Variants in ELOA2 observed in about 807,000 individuals in gnomAD.
ELOA2 encodes elongin-A2.
For missense variants in ELOA2, 1,271 were observed against 979.7 expected, an observed-to-expected ratio of 1.30 and a Z score of -3.97; for synonymous variants, 497 against 398.8, an observed-to-expected ratio of 1.25 and a Z score of -2.94.
Position 47,035,372 on chromosome 18 carries a change from C to T in ELOA2, c.-108G>A. On this transcript the variant is annotated 5_prime_UTR_variant, in exon 1 of 1. Transcript: ENST00000332567. ...CGGTCCTCGCTGCCCGGTCGCCAGGCAGCGACCTCGGGATGTGGAGTCACA... is the reference window on the plus strand; with the variant it reads ...CGGTCCTCGCTGCCCGGTCGCCAGGTAGCGACCTCGGGATGTGGAGTCACA... 6.4e-7 allele frequency: 1 copy of T among 1,561,922 alleles called. No homozygotes were observed. The highest frequency in any genetic ancestry group is 8.7e-7 in the Non-Finnish European group (1 of 1,153,758).
chr18:47,033,016 A>G lies in ELOA2; in HGVS notation c.2249T>C (p.Phe750Ser). 1.2e-6 allele frequency: 2 copies of G among 1,614,110 alleles called. No individual in the cohort carries two copies. The highest frequency in any genetic ancestry group is 1.7e-6 in the Non-Finnish European group (2 of 1,180,048). The change falls in exon 1 of 1, where the codon TTC (phenylalanine) becomes TCC (serine). Residue 750 changes from phenylalanine to serine, a missense_variant. Coordinates refer to ENST00000332567, the MANE Select transcript of ELOA2 (RefSeq NM_016427.3). The part of the protein sequence containing the change: ...AKAIRDYKRR[F>S]SRR ...CAAGTCCTGAGTTTATCGTCGGGAG[A>G]ATCTTCTCTTGTAGTCTCGAATTGC...
chr18:47,033,436 C>A lies in ELOA2; in HGVS notation c.1829G>T (p.Arg610Leu). 8.1e-6 allele frequency: 13 copies of A among 1,613,768 alleles called. No homozygotes were observed. The highest frequency in any genetic ancestry group is 1.0e-5 in the Non-Finnish European group (12 of 1,180,030). The change falls in exon 1 of 1, where the codon CGG becomes CTG. Residue 610 changes from arginine (R) to leucine (L), a missense_variant. Arg to Leu is a moderately radical substitution (Grantham distance 102, BLOSUM62 -2). Coordinates refer to ENST00000332567, the MANE Select transcript of ELOA2 (RefSeq NM_016427.3). ...ENKTWREQYL[R>L]LPDAPEQRLR... ...CCGCTGCTCTGGGGCGTCCGGAAGC[C>A]GCAGGTACTGCTCCCTCCAAGTTTT...
chr18:47,033,993 C>G lies in ELOA2; in HGVS notation c.1272G>C (p.Trp424Cys). 1 of 1,613,808 alleles carries G rather than the reference C, an allele frequency of 6.2e-7. No homozygotes were observed. Among genetic ancestry groups the G allele is most frequent in the Non-Finnish European group, 8.5e-7 (1 of 1,180,038 alleles). ...ANESKGTRES[W>C]DSAKKLPPVQ... is the part of the protein sequence containing the mutation. ...CAGGAGGCAATTTCTTAGCCGAATC[C>G]CAGGACTCACGAGTGCCCTTGGATT... Residue 424 changes from tryptophan to cysteine, a missense_variant, in exon 1 of 1, where the codon TGG becomes TGC. Coordinates refer to ENST00000332567, the MANE Select transcript of ELOA2 (RefSeq NM_016427.3).
rs768718364 is a variant in ELOA2 at position 47,033,032 on chromosome 18, C to G, written c.2233G>C (p.Asp745His). The G allele has an allele frequency of 6.2e-7, 1 of 1,614,140 alleles. No homozygotes were observed. Among genetic ancestry groups the G allele is most frequent in the Non-Finnish European group, 8.5e-7 (1 of 1,180,040 alleles). ...VAPLMAKAIR[D>H]YKRRFSRR ...CGTCGGGAGAATCTTCTCTTGTAGT[C>G]TCGAATTGCCTTGGCCATCAGCGGG... Residue 745 changes from aspartate to histidine, a missense_variant, in exon 1 of 1, where the codon GAC (aspartate) becomes CAC (histidine). Asp to His is a moderately conservative substitution (Grantham distance 81). Coordinates refer to ENST00000332567, the MANE Select transcript of ELOA2 (RefSeq NM_016427.3).
In ELOA2 at chr18:47,033,470, G is replaced by T. The variant is rs1461513599; in HGVS notation, c.1795C>A (p.Gln599Lys). The T allele has an allele frequency of 1.9e-6, 3 of 1,613,940 alleles. No homozygotes were observed. The East Asian group carries it at 6.7e-5, about 36-fold the overall frequency. Residue 599 changes from glutamine (Q) to lysine (K), a missense_variant, in exon 1 of 1, where the codon CAG becomes AAG. Coordinates refer to ENST00000332567, the MANE Select transcript of ELOA2 (RefSeq NM_016427.3). ...CFQDFKEEKP[Q>K]ENKTWREQYL... Reference sequence around the variant, plus strand: ...TGCTCCCTCCAAGTTTTGTTTTCCTGTGGCTTTTCTTCCTTGAAGTCCTGG... The same window carrying T: ...TGCTCCCTCCAAGTTTTGTTTTCCTTTGGCTTTTCTTCCTTGAAGTCCTGG...
rs761204477 is a variant in ELOA2 at position 47,033,216 on chromosome 18, G to T, written c.2049C>A (p.His683Gln). ...CGCTGCTGCTCTGGCTGGAGGGAGT[G>T]TGGCTGCTTCCCGCGGGCTTGGAGG... is the stretch of plus-strand genomic sequence containing the variant. ...KPASKPAGSS[H>Q]TPSSQSSSGG... Residue 683 changes from histidine (H) to glutamine (Q), a missense_variant, in exon 1 of 1, where the codon CAC (histidine) becomes CAA (glutamine). By Grantham distance (24) the His-to-Gln change is conservative. Transcript: ENST00000332567. The T allele has an allele frequency of 1.1e-5, 17 of 1,614,036 alleles. No individual in the cohort carries two copies. In the Admixed American group the frequency reaches 2.0e-4, roughly 19 times the overall value.
rs147815940 is a variant in ELOA2, at chr18:47,035,598, C to T, written c.-334G>A. 1 of 524,868 alleles carries T rather than the reference C, an allele frequency of 1.9e-6. No individual in the cohort carries two copies. The highest frequency in any genetic ancestry group is 1.9e-5 in the African/African-American group (1 of 51,868). The allele number at this position is 524,868 out of a possible 1,614,324, so 32.5% of individuals were successfully genotyped here. ...ATGTAGCCCATCCCAGGCTGACACT[C>T]ACGGCTCTAGCCCTGACCCTCTTAG... On this transcript the variant is annotated 5_prime_UTR_variant, in exon 1 of 1. Transcript: ENST00000332567.
rs1447281784 is a variant in ELOA2, at chr18:47,034,628, C to T, written c.637G>A (p.Gly213Ser). The T allele has an allele frequency of 2.7e-5, 43 of 1,613,924 alleles. No individual in the cohort carries two copies. Among genetic ancestry groups the T allele is most frequent in the Non-Finnish European group, 3.5e-5 (41 of 1,179,978 alleles). Residue 213 changes from glycine to serine, a missense_variant, in exon 1 of 1, where the codon GGC becomes AGC. Physicochemically the swap from Gly to Ser is moderately conservative, Grantham distance 56 (BLOSUM62 0). Coordinates refer to ENST00000332567, the MANE Select transcript of ELOA2 (RefSeq NM_016427.3). ...ACAACGGCTTTCCCCTGGGGTTGGC[C>T]CTGGCAGCCTGGACACAGCAGAGGC... ...GGPLLCPGCQ[G>S]QPQGKAVVSH...
the ELOA2 span, chr18:47,034,858 GGT>G: frequency 6.2e-7 from 1 of 1,612,172 alleles, no homozygotes; most frequent in Non-Finnish European, 8.5e-7. Flanking sequence ...TTGCCCCGGA[GGT>G]GTTCTGCGTG....
Position 47,035,558 on chromosome 18 carries a change from CCAG to C in ELOA2, c.-297_-295del. 1.6e-6 allele frequency: 1 copy of C among 615,350 alleles called. No homozygotes were observed. The highest frequency in any genetic ancestry group is 1.9e-5 in the African/African-American group (1 of 53,852). The allele number at this position is 615,350 out of a possible 1,614,324, so 38.1% of individuals were successfully genotyped here. A position where few individuals can be genotyped will look rare whatever the true frequency, so the allele number is the denominator to read the frequency against. On this transcript the variant is annotated 5_prime_UTR_variant, in exon 1 of 1. Transcript: ENST00000332567. ...TGCAACAAAGAATGAAGCTCTGGTG[CCAG>C]AGCTGGGCCTTATGTAGCCCATCCC...
In ELOA2 at chr18:47,032,942, C is replaced by A; in HGVS notation, c.*61G>T. 1.2e-6 allele frequency: 2 copies of A among 1,612,006 alleles called. No individual in the cohort carries two copies. The highest frequency in any genetic ancestry group is 1.7e-6 in the Non-Finnish European group (2 of 1,179,316). On this transcript the variant is annotated 3_prime_UTR_variant, in exon 1 of 1. Transcript: ENST00000332567. The stretch of plus-strand genomic sequence containing the variant: ...CCATTGGAAGTTTCGTTCCCCAACC[C>A]GCATTGACTTTGCCAATGCAAAAAT...
At position 47,033,434 on chromosome 18, in the gene ELOA2, G is replaced by C; in HGVS notation, c.1831C>G (p.Leu611Val). Residue 611 changes from leucine to valine, a missense_variant, in exon 1 of 1, where the codon CTT becomes GTT. By Grantham distance (32) the Leu-to-Val change is conservative (BLOSUM62 1). Transcript: ENST00000332567. The stretch of plus-strand genomic sequence containing the variant: ...AGCCGCTGCTCTGGGGCGTCCGGAA[G>C]CCGCAGGTACTGCTCCCTCCAAGTT... ...NKTWREQYLR[L>V]PDAPEQRLRV... The C allele has an allele frequency of 1.2e-6, 2 of 1,613,808 alleles. No homozygotes were observed. Among genetic ancestry groups the C allele is most frequent in the Non-Finnish European group, 1.7e-6 (2 of 1,180,032 alleles).
At position 47,034,083 on chromosome 18, in the gene ELOA2, C is replaced by T. The variant is rs2060633227; in HGVS notation, c.1182G>A (p.Lys394=). The T allele has an allele frequency of 6.2e-7, 1 of 1,614,104 alleles. No homozygotes were observed. Among genetic ancestry groups the T allele is most frequent in the African/African-American group, 1.3e-5 (1 of 74,930 alleles). Residue 394 remains lysine, a synonymous_variant, in exon 1 of 1, where the codon AAG becomes AAA. Coordinates refer to ENST00000332567, the MANE Select transcript of ELOA2 (RefSeq NM_016427.3). ...CAGATTTTCCAGTCTTTTTCTTTTG[C>T]TTCCGCAACTGATCGTAGGTGAGGT... ...EKYLTYDQLR[K]QKKKTGKSAT...
Position 47,034,821 on chromosome 18 carries a change from A to T in ELOA2, c.444T>A (p.Ser148Arg). The change falls in exon 1 of 1, where the codon AGT becomes AGA. Residue 148 changes from serine (S) to arginine (R), a missense_variant. Transcript: ENST00000332567. ...ACTTTCTCTCAGCTCTGGGCTCGCG[A>T]CTGTGAGACCTCGGGTGAGGTCTCT... Reference protein sequence around the residue: ...GQQRPHPRSHSREPRAERKCP... With the variant: ...GQQRPHPRSHRREPRAERKCP... 1 of 1,612,036 alleles carries T rather than the reference A, an allele frequency of 6.2e-7. No individual in the cohort carries two copies. The highest frequency in any genetic ancestry group is 1.1e-5 in the South Asian group (1 of 90,980).
rs2060652704 is a variant in ELOA2 at position 47,034,404 on chromosome 18, T to G, written c.861A>C (p.Gln287His). The change falls in exon 1 of 1, where the codon CAA (glutamine) becomes CAC (histidine). Residue 287 changes from glutamine (Q) to histidine (H), a missense_variant. Transcript: ENST00000332567. ...SDFKTDKEGG[Q>H]AGSGQRVPAL... The stretch of plus-strand genomic sequence containing the variant: ...CAGGGACACGCTGGCCGCTGCCAGC[T>G]TGCCCCCCTTCCTTGTCTGTCTTGA... The G allele has an allele frequency of 6.2e-7, 1 of 1,613,950 alleles. No individual in the cohort carries two copies. The highest frequency in any genetic ancestry group is 1.7e-5 in the Admixed American group (1 of 60,010).
chr18:47,034,881 G>C lies in ELOA2; in HGVS notation c.384C>G (p.His128Gln). Residue 128 changes from histidine to glutamine, a missense_variant, in exon 1 of 1, where the codon CAC (histidine) becomes CAG (glutamine). Physicochemically the swap from His to Gln is conservative, Grantham distance 24. Transcript: ENST00000332567. ...APRSPSHSPE[H>Q]RRTARRTPPG... The stretch of plus-strand genomic sequence containing the variant: ...GAGGTGTTCTGCGTGCTGTCCGTCT[G>C]TGCTCAGGGCTGTGAGATGGGCTCC... 6.2e-7 allele frequency: 1 copy of C among 1,612,144 alleles called. No homozygotes were observed. Among genetic ancestry groups the C allele is most frequent in the Non-Finnish European group, 8.5e-7 (1 of 1,179,950 alleles).
chr18:47,034,713 A>C lies in ELOA2; in HGVS notation c.552T>G (p.Pro184=). Residue 184 remains proline (P), a synonymous_variant, in exon 1 of 1, where the codon CCT becomes CCG. Transcript: ENST00000332567. The part of the protein sequence containing the change: ...RTAPLRMPEG[P]EPAAPGKQPG... Reference sequence around the variant, plus strand: ...GTTGCTTCCCGGGCGCAGCGGGCTCAGGGCCCTCGGGCATCCGGAGGGGAG... The same window carrying C: ...GTTGCTTCCCGGGCGCAGCGGGCTCCGGGCCCTCGGGCATCCGGAGGGGAG... The C allele has an allele frequency of 6.2e-7, 1 of 1,612,940 alleles. No individual in the cohort carries two copies. The highest frequency in any genetic ancestry group is 2.2e-5 in the East Asian group (1 of 44,832).
Position 47,034,310 on chromosome 18 carries a change from T to C in ELOA2, c.955A>G (p.Ser319Gly). The change falls in exon 1 of 1, where the codon AGT becomes GGT. Residue 319 changes from serine to glycine, a missense_variant. Physicochemically the swap from Ser to Gly is moderately conservative, Grantham distance 56 (BLOSUM62 0). Coordinates refer to ENST00000332567, the MANE Select transcript of ELOA2 (RefSeq NM_016427.3). ...TTTCCTGGGTCCCGGCCGTCTAGAC[T>C]GGGCCTCTTCTTGTTCGAGTGACTG... The part of the protein sequence containing the change: ...QHSHSNKKRP[S>G]LDGRDPGNGT... The C allele has an allele frequency of 1.2e-6, 2 of 1,613,226 alleles. No individual in the cohort carries two copies. The highest frequency in any genetic ancestry group is 1.7e-6 in the Non-Finnish European group (2 of 1,179,236).
At position 47,033,110 on chromosome 18, in the gene ELOA2, C is replaced by T. The variant is rs1948247964; in HGVS notation, c.2155G>A (p.Glu719Lys). The stretch of plus-strand genomic sequence containing the variant: ...GTTTTGGCCGCGGGCGCCGCGTGCT[C>T]ATTGCTGCTGCTCAGGCAGGGGTTG... ...RANPCLSSSN[E>K]HAAPAAKTRK... is the part of the protein sequence containing the mutation. The change falls in exon 1 of 1, where the codon GAG becomes AAG. Residue 719 changes from glutamate to lysine, a missense_variant. By Grantham distance (56) the Glu-to-Lys change is moderately conservative (BLOSUM62 1). Transcript: ENST00000332567. 1.2e-6 allele frequency: 2 copies of T among 1,614,150 alleles called. No homozygotes were observed. Among genetic ancestry groups the T allele is most frequent in the Non-Finnish European group, 1.7e-6 (2 of 1,180,044 alleles).
Sources: allele counts gnomAD v4.1 joint callset, GRCh38; gene constraint gnomAD v4.1.1; transcripts MANE v1.5; gene names NCBI Gene and HGNC (gene_info 2026-07-23, HGNC 2026-07-21).